Variants in SLC39A10 observed in about 807,000 individuals in gnomAD.
SLC39A10 encodes zinc transporter ZIP10.
In SLC39A10, 13 loss-of-function variants were observed where a neutral mutation model predicts 65.1. The ratio of observed to expected loss-of-function variants is 0.20; its 90% CI spans 0.13 to 0.32. SLC39A10 has a LOEUF of 0.32. SLC39A10 is among the 10% of genes least tolerant of loss of function. The probability of loss-of-function intolerance (pLI) is 1.00; values close to 1 mark genes in which losing one functional copy is unlikely to be tolerated. For synonymous variants in SLC39A10, 321 were observed against 342.2 expected (o/e 0.94, Z 0.68); for missense variants, 831 against 1,018.4 (o/e 0.82, Z 2.50).
chr2:195,732,617 A>G (rs775324490), intron 9 of SLC39A10, among the ~76,000 whole-genome samples: 4 of 152,238 alleles, frequency 2.6e-5, no homozygotes, highest in African/African-American at 9.6e-5. Flanking sequence ...TTAAGTATTT[A>G]AGGAAAGTCA....
intron 3 of SLC39A10, among the ~76,000 whole-genome samples, chr2:195,686,799 C>A (rs1690543638): frequency 6.6e-6 from 1 of 152,168 alleles, no homozygotes; most frequent in South Asian, 2.1e-4. Context: ...ATAATCATAA[C>A]CACTGTGCTG....
In SLC39A10 at chr2:195,689,567, CAA is replaced by C. The variant is rs1385205607; in HGVS notation, c.1216+5664_1216+5665del. 6.6e-5 allele frequency among the ~76,000 whole-genome samples: 10 copies of C among 152,132 alleles called. No homozygotes were observed. In the East Asian group the frequency reaches 1.9e-3, roughly 29 times the overall value. On this transcript the variant is annotated intron_variant, in intron 3 of 9. Transcript: ENST00000359634. ...ATTTTACTGTGATGAAATACAGTAA[CAA>C]AATTTGTCATTTTAACCATTTTTAA...
At chr2:195,626,476 T>C (rs1207488845) in intron 2 of SLC39A10, among the ~76,000 whole-genome samples, 2 of 152,204 alleles carry the variant, frequency 1.3e-5, no homozygotes, top group Non-Finnish European at 2.9e-5. Context: ...TCTTGATGGC[T>C]CTGTTCCTGA....
At chr2:195,705,792 A>T (rs76343838) in intron 3 of SLC39A10, among the ~76,000 whole-genome samples, 2,011 of 152,314 alleles carry the variant, frequency 0.013, 30 homozygotes, top group Non-Finnish European at 0.016. Context: ...TAGAAATTGT[A>T]ATGAAAATGT....
intron 1 of SLC39A10, chr2:195,670,610 T>G (rs1376389849): frequency 6.6e-6 from 1 of 152,188 alleles, no homozygotes; most frequent in Non-Finnish European, 1.5e-5. Context: ...TATTACAATA[T>G]TTTTTAGAGT....
chr2:195,729,684 A>G (rs1326771025), intron 9 of SLC39A10, among the ~76,000 whole-genome samples: 3 of 152,128 alleles, frequency 2.0e-5, no homozygotes, highest in African/African-American at 7.2e-5. Flanking sequence ...CTATTAGCCT[A>G]TAAACCTCAT....
chr2:195,643,180 C>T (rs1688844820), intron 2 of SLC39A10, among the ~76,000 whole-genome samples: 1 of 152,112 alleles, frequency 6.6e-6, no homozygotes, highest in Admixed American at 6.6e-5. Context: ...AAATAGAGTA[C>T]CAGTTGAAAG....
intron 2 of SLC39A10, among the ~76,000 whole-genome samples, chr2:195,613,856 G>A (rs1287517044): frequency 1.3e-5 from 2 of 152,184 alleles, no homozygotes; most frequent in Non-Finnish European, 2.9e-5. Flanking sequence ...TTCTTTGAAA[G>A]CCACAACTAT....
chr2:195,710,060 G>T (rs886290807), intron 5 of SLC39A10, among the ~76,000 whole-genome samples: 2 of 152,184 alleles, frequency 1.3e-5, no homozygotes, highest in African/African-American at 2.4e-5. Context: ...CTTTGGAGAT[G>T]ATGCTTGACG....
At chr2:195,639,232 G>T (rs936014289) in intron 2 of SLC39A10, among the ~76,000 whole-genome samples, 9 of 152,142 alleles carry the variant, frequency 5.9e-5, no homozygotes, top group African/African-American at 2.2e-4. Context: ...GATTACAAGC[G>T]TGAGCCACTG....
chr2:195,729,718 G>A (rs1266988770), intron 9 of SLC39A10, among the ~76,000 whole-genome samples: 9 of 151,998 alleles, frequency 5.9e-5, no homozygotes, highest in Non-Finnish European at 1.2e-4. Context: ...TCTTAAAGAG[G>A]TGGGGGACCT....
intron 9 of SLC39A10, among the ~76,000 whole-genome samples, chr2:195,729,601 TC>T (rs1215971372): frequency 1.3e-5 from 2 of 152,180 alleles, no homozygotes; most frequent in Non-Finnish European, 2.9e-5. Flanking sequence ...CTAGAACTGA[TC>T]CTCTCGTGCT....
chr2:195,683,760 C>A lies in SLC39A10; in HGVS notation c.1070C>A (p.Thr357Asn), dbSNP rs1053875051. The change falls in exon 3 of 10, where the codon ACT becomes AAT. Residue 357 changes from threonine to asparagine, a missense_variant. Coordinates refer to ENST00000359634, the MANE Select transcript of SLC39A10 (RefSeq NM_020342.3). ...CATGGTGCCAACTCTCCCATCTCAA[C>A]TGATTTATTTACATACCTTTGCCCT... ...YGHGANSPIS[T>N]DLFTYLCPAL... is the part of the protein sequence containing the mutation. 4 of 1,613,388 alleles carry A rather than the reference C, an allele frequency of 2.5e-6. No homozygotes were observed. In the Admixed American group the frequency reaches 6.7e-5, roughly 27 times the overall value.
intron 6 of SLC39A10, among the ~76,000 whole-genome samples, chr2:195,714,888 G>A (rs1456936302): frequency 6.6e-6 from 1 of 152,042 alleles, no homozygotes; most frequent in Non-Finnish European, 1.5e-5. Context: ...GAGTAGCTGG[G>A]ACTACAGGCG....
intron 2 of SLC39A10, among the ~76,000 whole-genome samples, chr2:195,635,542 A>T (rs1432304858): frequency 1.3e-5 from 2 of 152,194 alleles, no homozygotes; most frequent in Non-Finnish European, 2.9e-5. Context: ...AGTGGCACAT[A>T]CTAGAAGCCG....
At chr2:195,691,364 C>A (rs1322233864) in intron 3 of SLC39A10, among the ~76,000 whole-genome samples, 1 of 151,862 alleles carries the variant, frequency 6.6e-6, no homozygotes, top group Non-Finnish European at 1.5e-5. Context: ...ACTTTTTTTC[C>A]CCTGGGTAGA....
At chr2:195,623,977 C>T (rs892849586) in intron 2 of SLC39A10, among the ~76,000 whole-genome samples, 3 of 150,542 alleles carry the variant, frequency 2.0e-5, no homozygotes, top group Non-Finnish European at 4.4e-5. Context: ...ATTACATTAA[C>T]GATTCAAAAG....
intron 3 of SLC39A10, among the ~76,000 whole-genome samples, chr2:195,690,062 A>G (rs1690670971): frequency 6.7e-6 from 1 of 150,130 alleles, no homozygotes; most frequent in African/African-American, 2.4e-5. Flanking sequence ...CTGTGATCCC[A>G]GCTACTTGGG....
chr2:195,677,995 G>A (rs1690160651), intron 1 of SLC39A10, among the ~76,000 whole-genome samples: 1 of 152,108 alleles, frequency 6.6e-6, no homozygotes, highest in Non-Finnish European at 1.5e-5. Flanking sequence ...TGATCTGCCT[G>A]CCTTGGCCTC....
Sources: gnomAD v4.1 joint callset for allele counts (sites outside exome capture counted in the v4.1 genomes callset) on GRCh38, gnomAD v4.1.1 for gene constraint, MANE v1.5 for transcripts, NCBI Gene and HGNC (gene_info 2026-07-23, HGNC 2026-07-21) for gene names.